Variants in SNX4 observed in about 807,000 individuals in gnomAD.
SNX4 encodes the protein sorting nexin 4, also known as sorting nexin-4.
Under a neutral mutation model 70.8 loss-of-function variants are expected in SNX4, and 49 were observed. The observed-to-expected ratio is 0.69, with a 90% CI of 0.55 to 0.88. The LOEUF (loss-of-function observed/expected upper bound fraction) is 0.88. SNX4 is among the 40% of genes least tolerant of loss of function. The pLI is 0.00. For missense variants in SNX4, 528 were observed against 544.8 expected, an observed-to-expected ratio of 0.97 and a Z score of 0.31; for synonymous variants, 206 against 183.8, an observed-to-expected ratio of 1.12 and a Z score of -0.98.
In SNX4 at chr3:125,464,322, A is replaced by G. The variant is rs1933953846; in HGVS notation, c.855-3462T>C. On this transcript the variant is annotated intron_variant, in intron 9 of 13. Coordinates refer to ENST00000251775, the MANE Select transcript of SNX4 (RefSeq NM_003794.4). Reference sequence around the variant, plus strand: ...TGATGAAGACCAATTTGCCATTTAAAGTAATTTTTTCTTTTCATATCCTTC... The same window carrying G: ...TGATGAAGACCAATTTGCCATTTAAGGTAATTTTTTCTTTTCATATCCTTC... 3.9e-5 allele frequency among the ~76,000 whole-genome samples: 6 copies of G among 152,152 alleles called. No homozygotes were observed. In the South Asian group the frequency reaches 1.2e-3, roughly 31 times the overall value.
At chr3:125,498,643 G>A (rs533020144) in intron 2 of SNX4, among the ~76,000 whole-genome samples, 9 of 152,256 alleles carry the variant, frequency 5.9e-5, no homozygotes, top group Admixed American at 4.6e-4. Flanking sequence ...TCATTTTACA[G>A]ATGAGGACAC....
At chr3:125,473,635 G>A (rs1458235368) in intron 8 of SNX4, among the ~76,000 whole-genome samples, 1 of 152,052 alleles carries the variant, frequency 6.6e-6, no homozygotes, top group African/African-American at 2.4e-5. Context: ...GGCTGGTCTT[G>A]AACTCCTGAC....
In SNX4 at chr3:125,453,908, A is replaced by G; in HGVS notation, c.1092T>C (p.Gly364=). Residue 364 remains glycine, a synonymous_variant, in exon 12 of 14, where the codon GGT becomes GGC. Transcript: ENST00000251775. ...SLKGMTTKLF[G]QETPEQREAR... is the part of the protein sequence containing the mutation. Reference sequence around the variant, plus strand: ...CTTCTCTCTGCTCTGGAGTTTCTTGACCAAAGAGCTTGGTAGTCATTCCCT... The same window carrying G: ...CTTCTCTCTGCTCTGGAGTTTCTTGGCCAAAGAGCTTGGTAGTCATTCCCT... 2 of 1,613,950 alleles carry G rather than the reference A, an allele frequency of 1.2e-6. No homozygotes were observed. Among genetic ancestry groups the G allele is most frequent in the Non-Finnish European group, 1.7e-6 (2 of 1,179,964 alleles).
chr3:125,455,136 T>C (rs569356850), intron 11 of SNX4, among the ~76,000 whole-genome samples: 1 of 152,176 alleles, frequency 6.6e-6, no homozygotes, highest in South Asian at 2.1e-4. Flanking sequence ...GCTATATTAA[T>C]CCACACTGGT....
chr3:125,448,209 T>C lies in SNX4; in HGVS notation c.1306-383A>G, dbSNP rs72977705. Among the ~76,000 whole-genome samples, 1,464 of 151,958 alleles carry C rather than the reference T, an allele frequency of 9.6e-3. 13 individuals are homozygous for C. Among genetic ancestry groups the C allele is most frequent in the African/African-American group, 0.029 (1,220 of 41,442 alleles). Reference sequence around the variant, plus strand: ...GTATAATCATGGCTCATTGCAGCCTTGACCTCCAGGGCTCAAGGGATCCTC... The same window carrying C: ...GTATAATCATGGCTCATTGCAGCCTCGACCTCCAGGGCTCAAGGGATCCTC... On this transcript the variant is annotated intron_variant, in intron 13 of 13. Transcript: ENST00000251775.
intron 2 of SNX4, among the ~76,000 whole-genome samples, chr3:125,500,629 G>A (rs535522576): frequency 9.7e-4 from 147 of 151,498 alleles, no homozygotes; most frequent in Admixed American, 2.0e-3. Context: ...GTGAAACCCC[G>A]TTTCTACTAA....
chr3:125,480,228 G>A lies in SNX4; in HGVS notation c.726+19C>T, dbSNP rs377497396. ...CTTCCTTATGCATGTGCATCAAAAA[G>A]CTTTTGGGGACCACTTACAGCTCTG... is the stretch of plus-strand genomic sequence containing the variant. On this transcript the variant is annotated intron_variant, in intron 7 of 13. Transcript: ENST00000251775. 7.3e-5 allele frequency: 110 copies of A among 1,502,476 alleles called. No homozygotes were observed. The Admixed American group carries it at 9.9e-4, about 13-fold the overall frequency. The allele number at this position is 1,502,476 out of a possible 1,614,324, so 93.1% of individuals were successfully genotyped here. A position where few individuals can be genotyped will look rare whatever the true frequency, so the allele number is the denominator to read the frequency against.
At chr3:125,481,584 G>A (rs959479755) in intron 6 of SNX4, among the ~76,000 whole-genome samples, 2 of 152,054 alleles carry the variant, frequency 1.3e-5, no homozygotes, top group South Asian at 2.1e-4. Flanking sequence ...GAGTATCTGG[G>A]ATTATAGGCA....
intron 10 of SNX4, among the ~76,000 whole-genome samples, chr3:125,460,345 G>C (rs1301388197): frequency 6.6e-6 from 1 of 151,970 alleles, no homozygotes; most frequent in Non-Finnish European, 1.5e-5. Flanking sequence ...ATTCCCTTTG[G>C]CTCTGTAAAA....
At position 125,482,755 on chromosome 3, in the gene SNX4, A is replaced by T. The variant is rs529887729; in HGVS notation, c.654-2436T>A. ...CTGTGGTTCATTGAAATAAAGAGGCAGTGGTGAAGTTGAGGACATCAAATC... is the reference window on the plus strand; with the variant it reads ...CTGTGGTTCATTGAAATAAAGAGGCTGTGGTGAAGTTGAGGACATCAAATC... On this transcript the variant is annotated intron_variant, in intron 6 of 13. Transcript: ENST00000251775. 3.3e-5 allele frequency among the ~76,000 whole-genome samples: 5 copies of T among 152,274 alleles called. No individual in the cohort carries two copies. The South Asian group carries it at 1.0e-3, about 32-fold the overall frequency.
chr3:125,464,539 C>A (rs1449719956), intron 9 of SNX4, among the ~76,000 whole-genome samples: 1 of 106,762 alleles, frequency 9.4e-6, no homozygotes, highest in Non-Finnish European at 2.0e-5. Flanking sequence ...GTACAGAATT[C>A]TGTTCCATTG....
intron 1 of SNX4, among the ~76,000 whole-genome samples, chr3:125,507,261 A>C (rs1171130264): frequency 6.6e-6 from 1 of 151,996 alleles, no homozygotes; most frequent in African/African-American, 2.4e-5. Context: ...CTGAAATTAA[A>C]AGTTCACTAG....
intron 1 of SNX4, among the ~76,000 whole-genome samples, chr3:125,505,913 C>T (rs1220512650): frequency 6.6e-6 from 1 of 152,118 alleles, no homozygotes; most frequent in Non-Finnish European, 1.5e-5. Flanking sequence ...CTGGGAAACA[C>T]AGGAAGACTT....
At chr3:125,501,022 G>T (rs1447583623) in intron 2 of SNX4, among the ~76,000 whole-genome samples, 1 of 151,956 alleles carries the variant, frequency 6.6e-6, no homozygotes, top group Non-Finnish European at 1.5e-5. Context: ...TGAATTTCTA[G>T]TTAACATGAA....
intron 9 of SNX4, among the ~76,000 whole-genome samples, chr3:125,465,459 G>C (rs928318826): frequency 6.6e-6 from 1 of 151,740 alleles, no homozygotes; most frequent in Non-Finnish European, 1.5e-5. Flanking sequence ...ATGTCAGCCA[G>C]GCTGGTCTTG....
At chr3:125,513,350 A>C (rs1935210057) in intron 1 of SNX4, among the ~76,000 whole-genome samples, 2 of 152,208 alleles carry the variant, frequency 1.3e-5, no homozygotes, top group Non-Finnish European at 2.9e-5. Context: ...ATTCATTGCT[A>C]TTGTTTATAA....
At position 125,475,308 on chromosome 3, in the gene SNX4, C is replaced by T. The variant is rs72977742; in HGVS notation, c.788+1387G>A. Among the ~76,000 whole-genome samples, 1,054 of 152,306 alleles carry T rather than the reference C, an allele frequency of 6.9e-3. 7 individuals are homozygous for T. The highest frequency in any genetic ancestry group is 0.02 in the African/African-American group (850 of 41,566). ...GCTGAATCAAAAATTTATGAAACCA[C>T]AAAATACAGAAGAAATGAGAATTTT... On this transcript the variant is annotated intron_variant, in intron 8 of 13. Coordinates refer to ENST00000251775, the MANE Select transcript of SNX4 (RefSeq NM_003794.4).
intron 1 of SNX4, among the ~76,000 whole-genome samples, chr3:125,510,529 G>A (rs1472918415): frequency 6.6e-6 from 1 of 151,912 alleles, no homozygotes; most frequent in Non-Finnish European, 1.5e-5. Context: ...GCGCCCGGCT[G>A]AATGGATTTT....
At chr3:125,511,446 T>C (rs1580011710) in intron 1 of SNX4, among the ~76,000 whole-genome samples, 2 of 152,196 alleles carry the variant, frequency 1.3e-5, no homozygotes, top group East Asian at 3.8e-4. Context: ...CAGTGGTTAA[T>C]AGGCTCCACC....
Sources: gnomAD v4.1 joint callset for allele counts (sites outside exome capture counted in the v4.1 genomes callset) on GRCh38, gnomAD v4.1.1 for gene constraint, MANE v1.5 for transcripts, NCBI Gene and HGNC (gene_info 2026-07-23, HGNC 2026-07-21) for gene names.